Variants in GRM7 observed in about 807,000 individuals in gnomAD.
GRM7 encodes the protein metabotropic glutamate receptor 7.
Under a neutral mutation model 84.5 loss-of-function variants are expected in GRM7, and 35 were observed. That is an observed-to-expected ratio of 0.41 (90% CI 0.32 to 0.55). The LOEUF is 0.55. Among genes scored for constraint, GRM7 ranks in the 20% least tolerant of loss-of-function variants. The probability of loss-of-function intolerance (pLI) is 0.19; values close to 1 mark genes in which losing one functional copy is unlikely to be tolerated. For synonymous variants in GRM7, 487 were observed against 455.1 expected (o/e 1.07, Z -0.89); for missense variants, 1,003 against 1,194.6 (o/e 0.84, Z 2.36).
rs537860095 is a variant in GRM7 at position 7,311,863 on chromosome 3, A to G, written c.1033+5211A>G. ...GCCAGCCTCAGCCTCCCAAAGTGTT[A>G]GGATTACAGGCATAAGCCACTGCAC... is the stretch of plus-strand genomic sequence containing the variant. On this transcript the variant is annotated intron_variant, in intron 4 of 9. Coordinates refer to ENST00000357716, the MANE Select transcript of GRM7 (RefSeq NM_000844.4). Among the ~76,000 whole-genome samples the G allele has an allele frequency of 2.4e-4, 36 of 152,212 alleles. No homozygotes were observed. In the East Asian group the frequency reaches 6.6e-3, roughly 28 times the overall value.
At chr3:7,393,363 T>A (rs1695080871) in intron 4 of GRM7, among the ~76,000 whole-genome samples, 1 of 152,148 alleles carries the variant, frequency 6.6e-6, no homozygotes, top group African/African-American at 2.4e-5. Flanking sequence ...ATACCAGGCA[T>A]GAGGCCCTAG....
intron 7 of GRM7, among the ~76,000 whole-genome samples, chr3:7,482,510 G>T (rs1699169831): frequency 6.6e-6 from 1 of 152,168 alleles, no homozygotes; most frequent in Non-Finnish European, 1.5e-5. Flanking sequence ...ATTTTTTGAA[G>T]GGAGACAATG....
chr3:7,401,457 C>G lies in GRM7; in HGVS notation c.1034-13566C>G, dbSNP rs568704142. 9.2e-5 allele frequency among the ~76,000 whole-genome samples: 14 copies of G among 152,220 alleles called. 1 individual carries two copies. Among genetic ancestry groups the G allele is most frequent in the Middle Eastern group, 3.4e-3 (1 of 294 alleles). ...TGAATACCAAGTTCATCCCATTGCT[C>G]TCTCTAAAATACAGAGCATGAAGTA... On this transcript the variant is annotated intron_variant, in intron 4 of 9. Transcript: ENST00000357716.
intron 2 of GRM7, among the ~76,000 whole-genome samples, chr3:7,166,602 C>A (rs1694808010): frequency 6.6e-6 from 1 of 151,200 alleles, no homozygotes; most frequent in African/African-American, 2.4e-5. Context: ...AGACCTGGGA[C>A]TCTAGCCCAG....
At chr3:7,401,864 C>G (rs750895471) in intron 4 of GRM7, among the ~76,000 whole-genome samples, 1 of 152,110 alleles carries the variant, frequency 6.6e-6, no homozygotes, top group Non-Finnish European at 1.5e-5. Flanking sequence ...ATGACCCTTA[C>G]AGTTGCCAAT....
intron 9 of GRM7, among the ~76,000 whole-genome samples, chr3:7,727,397 AT>A (rs1208858290): frequency 2.0e-5 from 3 of 152,202 alleles, no homozygotes; most frequent in African/African-American, 7.2e-5. Context: ...AAAAATGATT[AT>A]TGTTCACATT....
rs1423619968 is a variant in GRM7, at chr3:7,114,575, A to AATATAT, written c.520-31874_520-31873insTATATA. ...CTCTAATACAGCCACAAAAAGGATC[A>AATATAT]ATAAAGCTAATTAATCTGCTGCTTT... On this transcript the variant is annotated intron_variant, in intron 1 of 9. Transcript: ENST00000357716. Among the ~76,000 whole-genome samples the AATATAT allele has an allele frequency of 3.9e-5, 6 of 152,262 alleles. No homozygotes were observed. The East Asian group carries it at 9.7e-4, about 25-fold the overall frequency.
chr3:7,452,637 A>G lies in GRM7; in HGVS notation c.1205A>G (p.Tyr402Cys). The change falls in exon 6 of 10, where the codon TAT (tyrosine) becomes TGT (cysteine). Residue 402 changes from tyrosine (Y) to cysteine (C), a missense_variant. Around this residue, in one of 2 missense-constraint regions of GRM7, gnomAD observed 910 missense variants for 1,126.0 expected, o/e 0.81. Coordinates refer to ENST00000357716, the MANE Select transcript of GRM7 (RefSeq NM_000844.4). The part of the protein sequence containing the change: ...GQERIGKDSN[Y>C]EQEGKVQFVI... Reference sequence around the variant, plus strand: ...GAGAGAATTGGAAAAGATTCCAACTATGAGCAGGAGGGTAAAGTCCAGTTC... The same window carrying G: ...GAGAGAATTGGAAAAGATTCCAACTGTGAGCAGGAGGGTAAAGTCCAGTTC... The G allele has an allele frequency of 6.2e-7, 1 of 1,612,426 alleles. No homozygotes were observed. Among genetic ancestry groups the G allele is most frequent in the Non-Finnish European group, 8.5e-7 (1 of 1,178,630 alleles).
chr3:6,998,119 C>CAAAAAAAAAAACAAAA (rs1694885575), intron 1 of GRM7, among the ~76,000 whole-genome samples: 1 of 18,432 alleles, frequency 5.4e-5, no homozygotes, highest in Non-Finnish European at 9.6e-5. Flanking sequence ...ATCTCCATCT[C>CAAAAAAAAAAACAAAA]AAAAAAAAAA....
chr3:7,050,368 G>C (rs1696949997), intron 1 of GRM7, among the ~76,000 whole-genome samples: 1 of 151,898 alleles, frequency 6.6e-6, no homozygotes, highest in African/African-American at 2.4e-5. Context: ...TTTTGCATGT[G>C]AAGAAATCAG....
intron 8 of GRM7, among the ~76,000 whole-genome samples, chr3:7,659,514 T>A (rs553698545): frequency 6.6e-6 from 1 of 152,240 alleles, no homozygotes; most frequent in South Asian, 2.1e-4. Context: ...AGAATCTCAA[T>A]AGATATGAAT....
chr3:7,260,041 A>G (rs911041855), intron 2 of GRM7, among the ~76,000 whole-genome samples: 8 of 140,026 alleles, frequency 5.7e-5, no homozygotes, highest in African/African-American at 1.9e-4. Context: ...TTCTCCAGTG[A>G]TCAGTGATAT....
At chr3:7,252,485 G>A (rs183023336) in intron 2 of GRM7, among the ~76,000 whole-genome samples, 1 of 152,196 alleles carries the variant, frequency 6.6e-6, no homozygotes, top group Admixed American at 6.5e-5. Flanking sequence ...AATCTGATGG[G>A]TGCTACAGAG....
intron 1 of GRM7, among the ~76,000 whole-genome samples, chr3:7,034,146 A>G (rs1574815760): frequency 6.6e-6 from 1 of 152,324 alleles, no homozygotes; most frequent in Middle Eastern, 3.4e-3. Context: ...GGGTAAAATT[A>G]TACTAGGTTC....
chr3:6,973,196 A>G (rs566016972), intron 1 of GRM7, among the ~76,000 whole-genome samples: 12 of 151,432 alleles, frequency 7.9e-5, no homozygotes, highest in African/African-American at 2.7e-4. Flanking sequence ...TGGTTTTATT[A>G]TTATTATTAT....
intron 2 of GRM7, among the ~76,000 whole-genome samples, chr3:7,182,776 G>A (rs187327112): frequency 6.6e-6 from 1 of 152,068 alleles, no homozygotes; most frequent in Non-Finnish European, 1.5e-5. Context: ...TTTCTTTGAT[G>A]ATTTCTTCCA....
chr3:7,385,470 T>G (rs1694750781), intron 4 of GRM7, among the ~76,000 whole-genome samples: 1 of 151,858 alleles, frequency 6.6e-6, no homozygotes, highest in South Asian at 2.1e-4. Flanking sequence ...CCAGCTAATT[T>G]TTTGTATTGC....
intron 5 of GRM7, among the ~76,000 whole-genome samples, chr3:7,422,794 C>G (rs1251088028): frequency 6.6e-6 from 1 of 152,008 alleles, no homozygotes; most frequent in African/African-American, 2.4e-5. Context: ...TTATAACCAT[C>G]CTTCCCAAAA....
intron 7 of GRM7, among the ~76,000 whole-genome samples, chr3:7,523,913 C>T (rs1700693318): frequency 6.6e-6 from 1 of 152,030 alleles, no homozygotes; most frequent in South Asian, 2.1e-4. Flanking sequence ...TATGGGTAGT[C>T]TCTCAACATA....
Sources: gnomAD v4.1 joint callset for allele counts (sites outside exome capture counted in the v4.1 genomes callset) on GRCh38, gnomAD v4.1.1 for gene constraint, gnomAD v4.1.1 regional missense constraint, MANE v1.5 for transcripts, NCBI Gene and HGNC (gene_info 2026-07-23, HGNC 2026-07-21) for gene names.